The following TMEM181 variants were observed in gnomAD, a reference collection of about 807,000 sequenced individuals.
TMEM181 encodes G protein-coupled receptor 178.
In TMEM181, 39 loss-of-function variants were observed where a neutral mutation model predicts 71.9. That is an observed-to-expected ratio of 0.54 (90% CI 0.42 to 0.71). The LOEUF (loss-of-function observed/expected upper bound fraction) is 0.71. TMEM181 is among the 30% of genes least tolerant of loss of function. TMEM181 has a pLI of 0.00. For synonymous variants in TMEM181, 245 were observed against 228.8 expected (o/e 1.07, Z -0.64); for missense variants, 595 against 583.0 (o/e 1.02, Z -0.21).
At chr6:158,560,425 C>G (rs1466402643) in intron 1 of TMEM181, among the ~76,000 whole-genome samples, 193 bp downstream of exon 1, 1 of 151,960 alleles carries the variant, frequency 6.6e-6, no homozygotes, top group Non-Finnish European at 1.5e-5. Context: ...GAGAGTAGAC[C>G]GGGGCCGGGG....
chr6:158,626,960 A>ACCCT (rs1163677954), intron 13 of TMEM181, among the ~76,000 whole-genome samples: 9 of 68,088 alleles, frequency 1.3e-4, no homozygotes, highest in Non-Finnish European at 2.2e-4. Flanking sequence ...ACCCTCACTC[A>ACCCT]CACCCTCTCA....
chr6:158,625,197 C>T lies in TMEM181; in HGVS notation c.1048C>T (p.Pro350Ser). The change falls in exon 12 of 17, where the codon CCT becomes TCT. Residue 350 changes from proline to serine, a missense_variant. By Grantham distance (74) the Pro-to-Ser change is moderately conservative. Coordinates refer to ENST00000684151, the MANE Select transcript of TMEM181 (RefSeq NM_001376852.1). ...GGCGTGTTCCGAGCTACGTCACATG[C>T]CTTATGTGGGTAAGTGCTCCTTTCA... Reference protein sequence around the residue: ...VRACSELRHMPYVDLRLKFLT... With the variant: ...VRACSELRHMSYVDLRLKFLT... 1.2e-6 allele frequency: 2 copies of T among 1,613,884 alleles called. No homozygotes were observed. Among genetic ancestry groups the T allele is most frequent in the Non-Finnish European group, 1.7e-6 (2 of 1,179,780 alleles).
At chr6:158,582,129 C>G (rs1345410986) in intron 3 of TMEM181, among the ~76,000 whole-genome samples, 3 of 152,194 alleles carry the variant, frequency 2.0e-5, no homozygotes, top group Non-Finnish European at 4.4e-5. Flanking sequence ...GGGCCCTCTG[C>G]ATAGCCTGTT....
In TMEM181 at chr6:158,560,156, C is replaced by T. The variant is rs573259835; in HGVS notation, c.-69C>T. 4.9e-5 allele frequency: 48 copies of T among 984,854 alleles called. No individual in the cohort carries two copies. The highest frequency in any genetic ancestry group is 4.7e-4 in the South Asian group (10 of 21,286). 61.0% of individuals were successfully genotyped at this position (984,854 alleles called of 1,614,324 possible). On this transcript the variant is annotated 5_prime_UTR_variant, in exon 1 of 17. Coordinates refer to ENST00000684151, the MANE Select transcript of TMEM181 (RefSeq NM_001376852.1). ...CGGCTCCGGCTGCGGCTGCCGCTGCCGAGGCTGCTGCGCGGCGCCTGGCGG... is the reference window on the plus strand; with the variant it reads ...CGGCTCCGGCTGCGGCTGCCGCTGCTGAGGCTGCTGCGCGGCGCCTGGCGG...
In TMEM181 at chr6:158,585,412, T is replaced by A; in HGVS notation, c.368T>A (p.Leu123His). The A allele has an allele frequency of 6.2e-7, 1 of 1,608,718 alleles. No homozygotes were observed. The highest frequency in any genetic ancestry group is 2.2e-5 in the East Asian group (1 of 44,594). The part of the protein sequence containing the change: ...HNKVHNRTRT[L>H]TCAGKCAEII... Reference sequence around the variant, plus strand: ...AAAGTTCACAACCGGACAAGGACCCTCACATGTGCAGGGGTGAGTGTGTGG... The same window carrying A: ...AAAGTTCACAACCGGACAAGGACCCACACATGTGCAGGGGTGAGTGTGTGG... The change falls in exon 5 of 17, where the codon CTC becomes CAC. Residue 123 changes from leucine (L) to histidine (H), a missense_variant. Physicochemically the swap from Leu to His is moderately conservative, Grantham distance 99 (BLOSUM62 -3). Coordinates refer to ENST00000684151, the MANE Select transcript of TMEM181 (RefSeq NM_001376852.1).
At chr6:158,582,933 A>G (rs1783559064) in intron 3 of TMEM181, among the ~76,000 whole-genome samples, 1 of 152,150 alleles carries the variant, frequency 6.6e-6, no homozygotes, top group Non-Finnish European at 1.5e-5. Flanking sequence ...TGGCATATGG[A>G]TACTTCAGAA....
intron 2 of TMEM181, among the ~76,000 whole-genome samples, chr6:158,578,044 C>T (rs955764922): frequency 5.3e-4 from 81 of 152,124 alleles, no homozygotes; most frequent in Admixed American, 4.2e-3. Context: ...GAGCTGAGAT[C>T]GCGCCATTGC....
At chr6:158,565,024 TGAA>T (rs1296930315) in intron 1 of TMEM181, among the ~76,000 whole-genome samples, 1 of 152,186 alleles carries the variant, frequency 6.6e-6, no homozygotes, top group African/African-American at 2.4e-5. Flanking sequence ...GAGACCGAGA[TGAA>T]GGTGTCTCTC....
chr6:158,543,982 C>T (rs1781439731), intron 1 of TMEM181, among the ~76,000 whole-genome samples: 1 of 152,156 alleles, frequency 6.6e-6, no homozygotes, highest in African/African-American at 2.4e-5. Flanking sequence ...TGGCTTAGAT[C>T]GGCCGCTGTG....
intron 2 of TMEM181, among the ~76,000 whole-genome samples, chr6:158,576,551 T>TA (rs1347381067): frequency 1.3e-5 from 2 of 152,066 alleles, no homozygotes; most frequent in African/African-American, 4.8e-5. Context: ...AAACTGCTAA[T>TA]ACAGGGAAAT....
At chr6:158,577,449 C>CT (rs1333748641) in intron 2 of TMEM181, among the ~76,000 whole-genome samples, 1 of 152,024 alleles carries the variant, frequency 6.6e-6, no homozygotes, top group Non-Finnish European at 1.5e-5. Flanking sequence ...ACTGAGGGAC[C>CT]TTTGGGACAC....
chr6:158,568,893 C>T (rs765623913), intron 1 of TMEM181, among the ~76,000 whole-genome samples: 2 of 152,218 alleles, frequency 1.3e-5, no homozygotes, highest in Non-Finnish European at 2.9e-5. Context: ...TGCCCATGAG[C>T]AACAGTTTTA....
chr6:158,598,207 A>G (rs1410528993), intron 6 of TMEM181, among the ~76,000 whole-genome samples: 2 of 152,208 alleles, frequency 1.3e-5, no homozygotes, highest in Non-Finnish European at 2.9e-5. Flanking sequence ...GAGATTTTGC[A>G]GGCACCTTCT....
chr6:158,579,351 C>T (rs893360032), intron 2 of TMEM181, among the ~76,000 whole-genome samples: 1 of 151,664 alleles, frequency 6.6e-6, no homozygotes, highest in African/African-American at 2.4e-5. Flanking sequence ...GAATCAACCA[C>T]AGTATCCATT....
chr6:158,552,842 T>A (rs1194221933), intron 1 of TMEM181, among the ~76,000 whole-genome samples: 1 of 136,638 alleles, frequency 7.3e-6, no homozygotes, highest in Non-Finnish European at 1.6e-5. Flanking sequence ...GAAAAAACAT[T>A]TCTGTCTTGA....
intron 1 of TMEM181, among the ~76,000 whole-genome samples, chr6:158,568,293 G>A (rs1366290442): frequency 1.3e-5 from 2 of 151,780 alleles, no homozygotes; most frequent in South Asian, 2.1e-4. Context: ...TTGAAGTACT[G>A]TAGGGCTTCT....
chr6:158,574,356 T>C (rs558930404), intron 2 of TMEM181, among the ~76,000 whole-genome samples: 1 of 152,212 alleles, frequency 6.6e-6, no homozygotes, highest in Non-Finnish European at 1.5e-5. Flanking sequence ...TAATAGCAGC[T>C]GTAGCCAACT....
chr6:158,567,324 C>T (rs1222034599), intron 1 of TMEM181, among the ~76,000 whole-genome samples: 1 of 152,230 alleles, frequency 6.6e-6, no homozygotes, highest in Non-Finnish European at 1.5e-5. Flanking sequence ...CATGGAGCCC[C>T]TTGCCTAGCA....
At chr6:158,572,737 C>T (rs184994321) in intron 1 of TMEM181, among the ~76,000 whole-genome samples, 33 of 152,316 alleles carry the variant, frequency 2.2e-4, no homozygotes, top group African/African-American at 7.0e-4. Flanking sequence ...GGGCAGACAC[C>T]TGGGAGGGCG....
Sources: gnomAD v4.1 joint callset for allele counts (sites outside exome capture counted in the v4.1 genomes callset) on GRCh38, gnomAD v4.1.1 for gene constraint, MANE v1.5 for transcripts, NCBI Gene and HGNC (gene_info 2026-07-23, HGNC 2026-07-21) for gene names.